IKBIP: variants seen among roughly 807,000 people sequenced by gnomAD.
IKBIP encodes the protein IKBKB interacting protein, also known as inhibitor of nuclear factor kappa-B kinase-interacting protein.
In IKBIP, 28 loss-of-function variants were observed where a neutral mutation model predicts 31.0. That is an observed-to-expected ratio of 0.90 (90% CI 0.67 to 1.24). IKBIP has a LOEUF of 1.24. IKBIP is among the 50% of genes most tolerant of loss of function. The probability of loss-of-function intolerance (pLI) is 0.00; values close to 1 mark genes in which losing one functional copy is unlikely to be tolerated. For synonymous variants in IKBIP, 164 were observed against 160.3 expected (o/e 1.02, Z -0.17); for missense variants, 453 against 441.9 (o/e 1.03, Z -0.23).
At chr12:98,630,137 AC>A (rs2097618561) in intron 2 of IKBIP, among the ~76,000 whole-genome samples, 1 of 151,952 alleles carries the variant, frequency 6.6e-6, no homozygotes, top group Non-Finnish European at 1.5e-5. Context: ...TAATCCCAGC[AC>A]TTTGGGAGGC....
At chr12:98,622,993 T>TA (rs2097611270), downstream of IKBIP, among the ~76,000 whole-genome samples, 1 of 151,014 alleles carries the variant, frequency 6.6e-6, no homozygotes, top group Non-Finnish European at 1.5e-5. Context: ...TTTTACTTTT[T>TA]TTTTTGAGAT....
At chr12:98,630,915 G>A (rs2097619492) in intron 2 of IKBIP, among the ~76,000 whole-genome samples, 1 of 141,008 alleles carries the variant, frequency 7.1e-6, no homozygotes, top group Non-Finnish European at 1.5e-5. Flanking sequence ...CGAAAAGACT[G>A]AATATTTCTT....
At chr12:98,616,615 T>G (rs1468139566) in intron 2 of IKBIP, among the ~76,000 whole-genome samples, 1 of 152,236 alleles carries the variant, frequency 6.6e-6, no homozygotes, top group Non-Finnish European at 1.5e-5. Flanking sequence ...GTTTTCAATT[T>G]CTGGTGTTAC....
chr12:98,624,109 A>C, downstream of IKBIP: 11 of 189,210 alleles, frequency 5.8e-5, no homozygotes, highest in Non-Finnish European at 9.2e-5. Flanking sequence ...AGTAACCATT[A>C]CCATGGTATA....
chr12:98,613,573 A>T lies in IKBIP; in HGVS notation c.*12T>A, dbSNP rs750285461. The T allele has an allele frequency of 1.4e-5, 20 of 1,386,402 alleles. No homozygotes were observed. In the South Asian group the frequency reaches 2.9e-4, roughly 20 times the overall value. 85.9% of individuals were successfully genotyped at this position (1,386,402 alleles called of 1,614,324 possible). A position where few individuals can be genotyped will look rare whatever the true frequency, so the allele number is the denominator to read the frequency against. ...AAAAAAATTACCTTAGTCTAATCTC[A>T]ATAATGTCAAACTAATTCATATCTG... On this transcript the variant is annotated 3_prime_UTR_variant, in exon 3 of 3. Coordinates refer to the IKBIP transcript ENST00000342502.
chr12:98,619,617 A>T (rs975294712), downstream of IKBIP, among the ~76,000 whole-genome samples: 1 of 152,188 alleles, frequency 6.6e-6, no homozygotes, highest in Non-Finnish European at 1.5e-5. Flanking sequence ...AGCTGAAAAC[A>T]GCACATCAGT....
Position 98,624,322 on chromosome 12 carries a change from G to C in IKBIP, c.*1608C>G, listed in dbSNP as rs140448604. ...GAATTTTGTCAGTGCACGCAAATAAGAGACATTCAGAAGTCAAGAAGTGTA... is the reference window on the plus strand; with the variant it reads ...GAATTTTGTCAGTGCACGCAAATAACAGACATTCAGAAGTCAAGAAGTGTA... On this transcript the variant is annotated 3_prime_UTR_variant, in exon 3 of 3. Coordinates refer to ENST00000299157, the MANE Select transcript of IKBIP (RefSeq NM_153687.4). 80 of 979,904 alleles carry C rather than the reference G, an allele frequency of 8.2e-5. No homozygotes were observed. In the East Asian group the frequency reaches 5.7e-3, roughly 70 times the overall value. 60.7% of individuals were successfully genotyped at this position (979,904 alleles called of 1,614,324 possible). A position where few individuals can be genotyped will look rare whatever the true frequency, so the allele number is the denominator to read the frequency against.
chr12:98,627,099 G>A (rs1253888629), intron 2 of IKBIP, among the ~76,000 whole-genome samples: 1 of 151,930 alleles, frequency 6.6e-6, no homozygotes, highest in Non-Finnish European at 1.5e-5. Context: ...TTCCTGAGTA[G>A]CTGGGATTAC....
At chr12:98,635,863 AAACTGC>A (rs1363204255) in intron 1 of IKBIP, among the ~76,000 whole-genome samples, 1 of 152,230 alleles carries the variant, frequency 6.6e-6, no homozygotes, top group Non-Finnish European at 1.5e-5. Context: ...CAGAGTGTAT[AAACTGC>A]ACAATTGGTT....
At chr12:98,631,706 G>A (rs1420116872) in intron 2 of IKBIP, among the ~76,000 whole-genome samples, 1 of 147,018 alleles carries the variant, frequency 6.8e-6, no homozygotes, top group Non-Finnish European at 1.5e-5. Context: ...CCGGGAGGCG[G>A]AGGTTGCAGT....
intron 1 of IKBIP, among the ~76,000 whole-genome samples, chr12:98,640,342 G>A (rs998496643): frequency 6.6e-6 from 1 of 152,112 alleles, no homozygotes; most frequent in South Asian, 2.1e-4. Flanking sequence ...GCTGAGGCAG[G>A]AGAATTGCTT....
At chr12:98,640,372 G>T (rs1011708324) in intron 1 of IKBIP, among the ~76,000 whole-genome samples, 4 of 152,020 alleles carry the variant, frequency 2.6e-5, no homozygotes, top group African/African-American at 9.7e-5. Context: ...AGGTGGAGGT[G>T]GAGGTTGCGG....
At chr12:98,616,218 T>C (rs2097606226) in intron 2 of IKBIP, among the ~76,000 whole-genome samples, 1 of 152,230 alleles carries the variant, frequency 6.6e-6, no homozygotes, top group Non-Finnish European at 1.5e-5. Flanking sequence ...ATTGTGGTTT[T>C]AATTTTTCAT....
rs1202914673 is a variant in IKBIP at position 98,626,298 on chromosome 12, T to G, written c.766A>C (p.Thr256Pro). The change falls in exon 3 of 3, where the codon ACT becomes CCT. Residue 256 changes from threonine to proline, a missense_variant. Thr to Pro is a conservative substitution (Grantham distance 38). Transcript: ENST00000299157. ...GGTTCGTAGTCGGAAAGTTTATTAGTCAGATCTTCATCTCTGGCAAAGAGG... is the reference window on the plus strand; with the variant it reads ...GGTTCGTAGTCGGAAAGTTTATTAGGCAGATCTTCATCTCTGGCAAAGAGG... ...HALFARDEDL[T>P]NKLSDYEPKV... 3 of 1,614,076 alleles carry G rather than the reference T, an allele frequency of 1.9e-6. No homozygotes were observed. Among genetic ancestry groups the G allele is most frequent in the Non-Finnish European group, 2.5e-6 (3 of 1,180,032 alleles).
Position 98,614,422 on chromosome 12 carries a change from T to C in IKBIP, c.298-82A>G, listed in dbSNP as rs115317933. On this transcript the variant is annotated intron_variant, in intron 2 of 2. Coordinates refer to the IKBIP transcript ENST00000342502. ...ATTCATCTTAAATTTTATATTTCTT[T>C]TTAATTTTAATTTTTTTTTTGAGAC... 6,395 of 773,658 alleles carry C rather than the reference T, an allele frequency of 8.3e-3. 284 individuals carry two copies. In the African/African-American group the frequency reaches 0.1, roughly 12 times the overall value. The allele number at this position is 773,658 out of a possible 1,614,324, so 47.9% of individuals were successfully genotyped here.
rs375774920 is a variant in IKBIP at position 98,634,770 on chromosome 12, C to T, written c.180-357G>A. 2.1e-4 allele frequency among the ~76,000 whole-genome samples: 31 copies of T among 148,218 alleles called. 1 individual carries two copies. The South Asian group carries it at 6.0e-3, about 29-fold the overall frequency. On this transcript the variant is annotated intron_variant, in intron 1 of 2. Transcript: ENST00000299157. ...TGTCGCCCAGGCTGGAGTGCAGTGG[C>T]GCGATCTAGGCTCACTGCAAGCTCC...
At chr12:98,630,919 A>C (rs1257291321) in intron 2 of IKBIP, among the ~76,000 whole-genome samples, 8 of 128,408 alleles carry the variant, frequency 6.2e-5, no homozygotes, top group African/African-American at 1.9e-4. Context: ...AAGACTGAAT[A>C]TTTCTTTTTT....
Position 98,626,072 on chromosome 12 carries a change from T to C in IKBIP, c.992A>G (p.Asp331Gly), listed in dbSNP as rs1263428325. The C allele has an allele frequency of 1.3e-6, 2 of 1,599,118 alleles. No homozygotes were observed. Among genetic ancestry groups the C allele is most frequent in the South Asian group, 2.3e-5 (2 of 88,310 alleles). Residue 331 changes from aspartate (D) to glycine (G), a missense_variant, in exon 3 of 3, where the codon GAT (aspartate) becomes GGT (glycine). Coordinates refer to ENST00000299157, the MANE Select transcript of IKBIP (RefSeq NM_153687.4). ...MQKTLEGIQY[D>G]NSILKMQNEL... is the part of the protein sequence containing the mutation. ...ATTTTGCATCTTTAATATGCTATTATCATACTGAATTCCTTCAAGGGTTTT... is the reference window on the plus strand; with the variant it reads ...ATTTTGCATCTTTAATATGCTATTACCATACTGAATTCCTTCAAGGGTTTT...
At chr12:98,632,503 AAAAAAAAAAATATATATATATATAT>A (rs2097621359) in intron 2 of IKBIP, among the ~76,000 whole-genome samples, 1 of 68,662 alleles carries the variant, frequency 1.5e-5, no homozygotes, top group Non-Finnish European at 2.7e-5. Flanking sequence ...AAAAAAAAAA[AAAAAAAAAAATATATATATATATAT>A]ATATATATAT....
Sources: allele counts gnomAD v4.1 joint callset (sites outside exome capture counted in the v4.1 genomes callset), GRCh38; gene constraint gnomAD v4.1.1; transcripts MANE v1.5; gene names NCBI Gene and HGNC (gene_info 2026-07-23, HGNC 2026-07-21).